The following ATL2 variants were observed in gnomAD, a reference collection of about 807,000 sequenced individuals.
ATL2 encodes the protein atlastin-2.
In ATL2, 31 loss-of-function variants were observed where a neutral mutation model predicts 73.9. The ratio of observed to expected loss-of-function variants is 0.42; its 90% CI spans 0.32 to 0.57. The LOEUF (loss-of-function observed/expected upper bound fraction) is 0.57. Ranked by LOEUF, ATL2 falls within the 20% of genes least tolerant of loss-of-function variation. ATL2 has a pLI of 0.14. For synonymous variants in ATL2, 291 were observed against 237.5 expected (o/e 1.23, Z -2.07); for missense variants, 738 against 702.6 (o/e 1.05, Z -0.57).
intron 2 of ATL2, among the ~76,000 whole-genome samples, chr2:38,322,885 TAAC>T (rs1231749237): frequency 2.0e-5 from 3 of 152,134 alleles, no homozygotes; most frequent in Admixed American, 6.6e-5. Context: ...TGCCTCTATT[TAAC>T]AACAACAACA....
intron 3 of ATL2, 25 bp from the exon 4 acceptor site, chr2:38,318,664 T>C (rs1668158162): frequency 6.5e-7 from 1 of 1,547,748 alleles, no homozygotes; most frequent in Non-Finnish European, 8.7e-7. Context: ...GTTTAAAATA[T>C]TTAGTAAAAC....
At chr2:38,375,348 A>G (rs893746016) in intron 1 of ATL2, among the ~76,000 whole-genome samples, 5 of 152,208 alleles carry the variant, frequency 3.3e-5, no homozygotes, top group African/African-American at 9.7e-5. Flanking sequence ...AGGTACAGGG[A>G]CTGTTTTAGG....
intron 2 of ATL2, among the ~76,000 whole-genome samples, chr2:38,337,164 T>C (rs1351347799): frequency 6.6e-6 from 1 of 151,506 alleles, no homozygotes; most frequent in Non-Finnish European, 1.5e-5. Context: ...ATGTGGACTA[T>C]TAAAAAAAAC....
chr2:38,321,365 G>A (rs868537310), intron 2 of ATL2, among the ~76,000 whole-genome samples: 5 of 151,976 alleles, frequency 3.3e-5, no homozygotes, highest in Admixed American at 1.3e-4. Flanking sequence ...ACAACTTAAA[G>A]ACCTCATCTA....
At chr2:38,327,538 T>TACAAAAAAAAAAAAAAAAAA (rs1668734402) in intron 2 of ATL2, among the ~76,000 whole-genome samples, 7 of 39,424 alleles carry the variant, frequency 1.8e-4, no homozygotes, top group Non-Finnish European at 3.0e-4. Context: ...AAAAAAAAAG[T>TACAAAAAAAAAAAAAAAAAA]ACAAAAAAAA....
At chr2:38,327,554 A>G (rs200253218) in intron 2 of ATL2, among the ~76,000 whole-genome samples, 5 of 151,448 alleles carry the variant, frequency 3.3e-5, no homozygotes, top group Non-Finnish European at 7.4e-5. Context: ...AAAAAAAAAA[A>G]AACACCAGAA....
chr2:38,364,457 A>T (rs942630248), intron 1 of ATL2, among the ~76,000 whole-genome samples: 4 of 152,182 alleles, frequency 2.6e-5, no homozygotes, highest in African/African-American at 9.6e-5. Context: ...CCCGAATATA[A>T]AGTGAGAAGC....
intron 6 of ATL2, 145 bp downstream of exon 6, chr2:38,314,463 C>A (rs1667921345): frequency 1.7e-6 from 1 of 573,176 alleles, no homozygotes. Flanking sequence ...GCTGATGATA[C>A]TACCAAAGGT....
intron 2 of ATL2, among the ~76,000 whole-genome samples, chr2:38,323,970 A>G (rs1411732469): frequency 6.6e-6 from 1 of 152,230 alleles, no homozygotes; most frequent in Admixed American, 6.5e-5. Flanking sequence ...AAAGGAATAA[A>G]AAGAATGAAA....
At chr2:38,336,908 A>G (rs916451048) in intron 2 of ATL2, among the ~76,000 whole-genome samples, 2 of 152,212 alleles carry the variant, frequency 1.3e-5, no homozygotes, top group South Asian at 2.1e-4. Flanking sequence ...TCATCTATGA[A>G]GTACTCTTGC....
chr2:38,318,723 C>T (rs1668162156), intron 3 of ATL2, 84 bp from the exon 4 acceptor site: 10 of 1,345,500 alleles, frequency 7.4e-6, no homozygotes, highest in Non-Finnish European at 1.0e-6. Context: ...ATTTGAAAAG[C>T]AGTAATTAAA....
At chr2:38,338,217 C>G (rs1479630017) in intron 2 of ATL2, among the ~76,000 whole-genome samples, 1 of 152,096 alleles carries the variant, frequency 6.6e-6, no homozygotes, top group East Asian at 1.9e-4. Context: ...AACAGAAAAC[C>G]AAATACCACG....
At chr2:38,296,348 A>G in intron 12 of ATL2, 1 of 1,461,516 alleles carries the variant, frequency 6.8e-7, no homozygotes, top group Non-Finnish European at 9.0e-7. Flanking sequence ...TGGATGTGCA[A>G]TTCCATACCC....
At chr2:38,339,163 C>T (rs900665299) in intron 2 of ATL2, among the ~76,000 whole-genome samples, 1 of 152,100 alleles carries the variant, frequency 6.6e-6, no homozygotes, top group African/African-American at 2.4e-5. Flanking sequence ...TTGCAGTGAG[C>T]CGAGACTGCG....
Position 38,294,607 on chromosome 2 carries a change from G to A in ATL2, c.*1387C>T, listed in dbSNP as rs555261205. On this transcript the variant is annotated 3_prime_UTR_variant, in exon 13 of 13. Coordinates refer to ENST00000378954, the MANE Select transcript of ATL2 (RefSeq NM_001135673.4). ...GGTGTTCACAAAGAAGACCACAAAA[G>A]TACTGAAAAAATGCTAGCCTTACAT... Among the ~76,000 whole-genome samples the A allele has an allele frequency of 4.5e-4, 66 of 146,604 alleles. No individual in the cohort carries two copies. Among genetic ancestry groups the A allele is most frequent in the Admixed American group, 9.5e-4 (14 of 14,718 alleles).
At chr2:38,369,162 A>G (rs1397057429) in intron 1 of ATL2, among the ~76,000 whole-genome samples, 3 of 152,084 alleles carry the variant, frequency 2.0e-5, no homozygotes, top group Non-Finnish European at 4.4e-5. Context: ...GAAAATGTAC[A>G]TGTCAGGCCA....
intron 1 of ATL2, among the ~76,000 whole-genome samples, chr2:38,372,981 T>C (rs1479094455): frequency 1.3e-5 from 2 of 152,212 alleles, no homozygotes; most frequent in Non-Finnish European, 2.9e-5. Context: ...AATAGCATAA[T>C]AACACAAGTA....
rs1172261153 is a variant in ATL2, at chr2:38,377,235, C to A, written c.26G>T (p.Arg9Leu). Reference sequence around the variant, plus strand: ...CAGCCCCTGGTGCGGTTGCTGCCCTCGCGCTGCCTCGTCCCCCTCCGCCAT... The same window carrying A: ...CAGCCCCTGGTGCGGTTGCTGCCCTAGCGCTGCCTCGTCCCCCTCCGCCAT... MAEGDEAA[R>L]GQQPHQGLWR... The change falls in exon 1 of 13, where the codon CGA becomes CTA. Residue 9 changes from arginine to leucine, a missense_variant. Transcript: ENST00000378954. The A allele has an allele frequency of 1.1e-5, 17 of 1,598,460 alleles. No individual in the cohort carries two copies. Among genetic ancestry groups the A allele is most frequent in the Non-Finnish European group, 1.4e-5 (17 of 1,173,316 alleles).
intron 2 of ATL2, among the ~76,000 whole-genome samples, chr2:38,321,700 T>C (rs1668330459): frequency 6.6e-6 from 1 of 152,080 alleles, no homozygotes. Context: ...ATAACAATCC[T>C]TTTTTCTCTT....
Sources: allele counts gnomAD v4.1 joint callset (sites outside exome capture counted in the v4.1 genomes callset), GRCh38; gene constraint gnomAD v4.1.1; transcripts MANE v1.5; gene names NCBI Gene and HGNC (gene_info 2026-07-23, HGNC 2026-07-21).